Variants in FER observed in about 807,000 individuals in gnomAD.
FER encodes FER tyrosine kinase, also known as tyrosine-protein kinase Fer.
In FER, 63 loss-of-function variants were observed where a neutral mutation model predicts 111.0. The ratio of observed to expected loss-of-function variants is 0.57; its 90% CI spans 0.46 to 0.70. FER has a LOEUF of 0.70. FER is among the 30% of genes least tolerant of loss of function. The probability of loss-of-function intolerance (pLI) is 0.00; values close to 1 mark genes in which losing one functional copy is unlikely to be tolerated. For synonymous variants in FER, 327 were observed against 313.9 expected (o/e 1.04, Z -0.44); for missense variants, 914 against 954.0 (o/e 0.96, Z 0.55).
intron 9 of FER, among the ~76,000 whole-genome samples, chr5:108,884,018 A>G (rs926541453): frequency 6.6e-6 from 1 of 151,954 alleles, no homozygotes; most frequent in African/African-American, 2.4e-5. Flanking sequence ...AGGTCCACAG[A>G]CTTTACTTGT....
At chr5:108,774,756 A>G (rs959398325) in intron 2 of FER, among the ~76,000 whole-genome samples, 5 of 149,030 alleles carry the variant, frequency 3.4e-5, no homozygotes, top group African/African-American at 1.2e-4. Flanking sequence ...TTTTTCTTGT[A>G]AATTTGTTTT....
At chr5:109,024,512 C>G (rs917337494) in intron 13 of FER, among the ~76,000 whole-genome samples, 5 of 152,168 alleles carry the variant, frequency 3.3e-5, no homozygotes, top group African/African-American at 1.2e-4. Flanking sequence ...CCACTGGGGA[C>G]AGTGCCAAGC....
At chr5:109,055,411 T>C (rs185622280) in intron 16 of FER, among the ~76,000 whole-genome samples, 1 of 152,310 alleles carries the variant, frequency 6.6e-6, no homozygotes, top group Non-Finnish European at 1.5e-5. Context: ...GCAAATCATA[T>C]ACCTGATAAG....
intron 3 of FER, among the ~76,000 whole-genome samples, chr5:108,799,480 TA>T (rs1222115850): frequency 6.6e-6 from 1 of 152,192 alleles, no homozygotes; most frequent in Non-Finnish European, 1.5e-5. Context: ...AAGAACCCAG[TA>T]ATGTTCATAT....
chr5:108,777,232 C>A (rs549430876), intron 2 of FER, among the ~76,000 whole-genome samples: 1 of 152,288 alleles, frequency 6.6e-6, no homozygotes, highest in African/African-American at 2.4e-5. Flanking sequence ...TATTTGCTCC[C>A]AATCTGTAGC....
chr5:109,009,044 C>CTTT (rs1030906789), intron 13 of FER, among the ~76,000 whole-genome samples: 10,073 of 115,904 alleles, frequency 0.087, 634 homozygotes, highest in Non-Finnish European at 0.12. Context: ...CCTCTTCAGT[C>CTTT]TTTTTTTTTT....
At chr5:108,855,837 T>C (rs983324105) in intron 5 of FER, among the ~76,000 whole-genome samples, 3 of 152,006 alleles carry the variant, frequency 2.0e-5, no homozygotes, top group Non-Finnish European at 4.4e-5. Flanking sequence ...TGGGCTGGGT[T>C]TAAGAAAGAA....
At chr5:108,855,245 T>A (rs1762883646) in intron 5 of FER, among the ~76,000 whole-genome samples, 1 of 152,092 alleles carries the variant, frequency 6.6e-6, no homozygotes, top group Admixed American at 6.5e-5. Flanking sequence ...TTTTATGACA[T>A]TACCAGTAAT....
chr5:109,001,899 A>G (rs1430037302), intron 13 of FER, among the ~76,000 whole-genome samples: 1 of 152,184 alleles, frequency 6.6e-6, no homozygotes, highest in Non-Finnish European at 1.5e-5. Context: ...TTCAAAGAGA[A>G]CAAAATACCT....
chr5:108,940,571 G>C (rs1385325025), intron 10 of FER, among the ~76,000 whole-genome samples: 1 of 152,032 alleles, frequency 6.6e-6, no homozygotes, highest in Non-Finnish European at 1.5e-5. Flanking sequence ...TTCATCCTCG[G>C]TGGAACTGTA....
chr5:108,984,382 C>A (rs867260897), intron 13 of FER, among the ~76,000 whole-genome samples: 3 of 151,982 alleles, frequency 2.0e-5, no homozygotes, highest in Non-Finnish European at 2.9e-5. Flanking sequence ...AAATGTCCTA[C>A]GAAATCCCAG....
intron 5 of FER, among the ~76,000 whole-genome samples, chr5:108,864,497 A>G (rs1019580753): frequency 3.3e-5 from 5 of 152,130 alleles, no homozygotes; most frequent in African/African-American, 4.8e-5. Flanking sequence ...GCTGAGCCTA[A>G]GCAGAATGGC....
chr5:108,932,425 T>C (rs1754821347), intron 10 of FER, among the ~76,000 whole-genome samples: 1 of 152,252 alleles, frequency 6.6e-6, no homozygotes, highest in Non-Finnish European at 1.5e-5. Flanking sequence ...CTATCACTGA[T>C]GGACATTTGG....
chr5:108,810,555 G>A (rs1008435655), intron 3 of FER, among the ~76,000 whole-genome samples: 4 of 152,204 alleles, frequency 2.6e-5, no homozygotes, highest in Non-Finnish European at 5.9e-5. Context: ...CAAGTTCTTT[G>A]CCCGGGGAGG....
At chr5:108,861,693 G>T (rs1404586612) in intron 5 of FER, among the ~76,000 whole-genome samples, 1 of 152,092 alleles carries the variant, frequency 6.6e-6, no homozygotes, top group Non-Finnish European at 1.5e-5. Context: ...TTATTTAAAA[G>T]TTAAGAAAGT....
In FER at chr5:109,183,368, C is replaced by T. The variant is rs921778474; in HGVS notation, c.2203+2467C>T. On this transcript the variant is annotated intron_variant, in intron 18 of 19. Coordinates refer to ENST00000281092, the MANE Select transcript of FER (RefSeq NM_005246.4). The stretch of plus-strand genomic sequence containing the variant: ...GGTTCAAGCAATTCTCCTGTCTCAG[C>T]CTCCCCAGTAGCTGGGACTACAGGT... Among the ~76,000 whole-genome samples, 6 of 151,142 alleles carry T rather than the reference C, an allele frequency of 4.0e-5. 1 individual carries two copies. Among genetic ancestry groups the T allele is most frequent in the African/African-American group, 1.5e-4 (6 of 41,146 alleles).
At chr5:109,089,524 G>T (rs997931826) in intron 16 of FER, among the ~76,000 whole-genome samples, 1 of 152,120 alleles carries the variant, frequency 6.6e-6, no homozygotes, top group Non-Finnish European at 1.5e-5. Context: ...CAGCAAGATG[G>T]CAGAATAGAA....
intron 5 of FER, among the ~76,000 whole-genome samples, chr5:108,847,547 T>C (rs2150177194): frequency 6.6e-6 from 1 of 152,308 alleles, no homozygotes; most frequent in East Asian, 1.9e-4. Context: ...TATTCAAATT[T>C]GTTATGTTCT....
intron 17 of FER, among the ~76,000 whole-genome samples, chr5:109,166,289 C>T (rs1756549108): frequency 6.6e-6 from 1 of 151,976 alleles, no homozygotes; most frequent in South Asian, 2.1e-4. Flanking sequence ...GTTTGTAACT[C>T]ATAACAAGCC....
Sources: allele counts gnomAD v4.1 joint callset (sites outside exome capture counted in the v4.1 genomes callset), GRCh38; gene constraint gnomAD v4.1.1; transcripts MANE v1.5; gene names NCBI Gene and HGNC (gene_info 2026-07-23, HGNC 2026-07-21).